Variants in ARHGAP10 observed in about 807,000 individuals in gnomAD.
The protein encoded by ARHGAP10 is Rho GTPase activating protein 10, also known as rho GTPase-activating protein 10.
A neutral mutation model predicts 108.6 loss-of-function variants in ARHGAP10; 87 were observed. That is an observed-to-expected ratio of 0.80 (90% CI 0.67 to 0.96). ARHGAP10 has a LOEUF of 0.96. Among genes scored for constraint, ARHGAP10 ranks in the 40% least tolerant of loss-of-function variants. The probability of loss-of-function intolerance (pLI) is 0.00; values close to 1 mark genes in which losing one functional copy is unlikely to be tolerated. For missense variants in ARHGAP10, 939 were observed against 954.5 expected (o/e 0.98, Z 0.21); for synonymous variants, 347 against 341.1 (o/e 1.02, Z -0.19).
intron 18 of ARHGAP10, 127 bp from the exon 19 acceptor site, chr4:148,023,136 A>ATGGAT (rs1357096143): frequency 2.9e-5 from 29 of 990,760 alleles, no homozygotes; most frequent in Non-Finnish European, 3.7e-5. Context: ...ATTGGAAGGA[A>ATGGAT]TGGATTTTGG....
At chr4:147,809,810 C>T (rs897363446) in intron 1 of ARHGAP10, among the ~76,000 whole-genome samples, 3 of 152,178 alleles carry the variant, frequency 2.0e-5, no homozygotes, top group African/African-American at 7.2e-5. Context: ...CTCACGTATG[C>T]ATAGTTCACA....
Position 147,875,077 on chromosome 4 carries a change from C to G in ARHGAP10, c.759C>G (p.Ile253Met). Residue 253 changes from isoleucine to methionine, a missense_variant, in exon 8 of 23, where the codon ATC (isoleucine) becomes ATG (methionine). Transcript: ENST00000336498. ...RSEVEELMNK[I>M]RQNPKDHKRA... ...AAGTGGAAGAGCTCATGAACAAAATCAGACAGAATCCCAAGGACCACAAAC... is the reference window on the plus strand; with the variant it reads ...AAGTGGAAGAGCTCATGAACAAAATGAGACAGAATCCCAAGGACCACAAAC... The G allele has an allele frequency of 1.2e-6, 2 of 1,609,992 alleles. No individual in the cohort carries two copies. The highest frequency in any genetic ancestry group is 1.7e-6 in the Non-Finnish European group (2 of 1,179,102).
chr4:148,060,244 A>C (rs1729551702), intron 20 of ARHGAP10, among the ~76,000 whole-genome samples: 1 of 152,162 alleles, frequency 6.6e-6, no homozygotes, highest in Non-Finnish European at 1.5e-5. Context: ...TGTAGGTATT[A>C]CATTTTAGAT....
In ARHGAP10 at chr4:147,906,702, C is replaced by T; in HGVS notation, c.1099C>T (p.Leu367=). 1 of 1,614,100 alleles carries T rather than the reference C, an allele frequency of 6.2e-7. No homozygotes were observed. Residue 367 remains leucine (L), a synonymous_variant, in exon 11 of 23, where the codon CTG becomes TTG. Coordinates refer to ENST00000336498, the MANE Select transcript of ARHGAP10 (RefSeq NM_024605.4). ...EEERKQWLEA[L]GGKEALSHSF... ...GGAAAGGAAGCAGTGGTTGGAAGCT[C>T]TGGGTGGAAAGGAAGCTGTAAGAAT...
intron 7 of ARHGAP10, among the ~76,000 whole-genome samples, chr4:147,870,932 G>C (rs397878485): frequency 3.7e-5 from 2 of 54,738 alleles, no homozygotes; most frequent in South Asian, 9.0e-4. Flanking sequence ...TACAGACTGT[G>C]TGTGTGTGTG....
intron 18 of ARHGAP10, among the ~76,000 whole-genome samples, chr4:148,012,957 G>A (rs1268347112): frequency 6.7e-6 from 1 of 149,110 alleles, no homozygotes; most frequent in African/African-American, 2.5e-5. Flanking sequence ...TCTTTAAAGA[G>A]CTGTTTTGTG....
chr4:147,768,741 CTT>C (rs34388709), intron 1 of ARHGAP10, among the ~76,000 whole-genome samples: 173 of 126,442 alleles, frequency 1.4e-3, no homozygotes, highest in Admixed American at 1.8e-3. Flanking sequence ...ATTTTCTTGT[CTT>C]TTTTTTTTTT....
Position 148,063,202 on chromosome 4 carries a change from CACA to C in ARHGAP10, c.2087_2089del (p.Thr696del). On this transcript the variant is annotated inframe_deletion, in exon 21 of 23. Coordinates refer to ENST00000336498, the MANE Select transcript of ARHGAP10 (RefSeq NM_024605.4). ...AGTGGCTTAACCCACAGTCTCCAAC[CACA>C]ACAAGCTCCAACTCAGCTGTGACAC... The C allele has an allele frequency of 6.2e-7, 1 of 1,614,192 alleles. No homozygotes were observed. The highest frequency in any genetic ancestry group is 1.1e-5 in the South Asian group (1 of 91,088).
intron 12 of ARHGAP10, among the ~76,000 whole-genome samples, chr4:147,912,022 TG>T (rs1736763634): frequency 2.7e-5 from 4 of 150,744 alleles, no homozygotes; most frequent in Admixed American, 1.3e-4. Flanking sequence ...TGTGTGTGTG[TG>T]TGTGTGTGTG....
intron 3 of ARHGAP10, among the ~76,000 whole-genome samples, chr4:147,837,105 G>A (rs1238386381): frequency 6.6e-6 from 1 of 152,076 alleles, no homozygotes; most frequent in Non-Finnish European, 1.5e-5. Context: ...TAAAGTGGGG[G>A]AACTTTATTG....
intron 18 of ARHGAP10, among the ~76,000 whole-genome samples, chr4:147,990,078 C>G (rs776132548): frequency 1.3e-5 from 2 of 152,168 alleles, no homozygotes; most frequent in Non-Finnish European, 2.9e-5. Flanking sequence ...CAGCCTTCTG[C>G]CTGAATGAGG....
chr4:147,980,782 A>T (rs564770442), intron 18 of ARHGAP10, among the ~76,000 whole-genome samples: 2 of 152,106 alleles, frequency 1.3e-5, no homozygotes, highest in Admixed American at 1.3e-4. Flanking sequence ...GTGTGGTTGT[A>T]TGTTTCCAGG....
intron 13 of ARHGAP10, among the ~76,000 whole-genome samples, chr4:147,922,368 C>G (rs532178034): frequency 6.6e-6 from 1 of 151,840 alleles, no homozygotes; most frequent in East Asian, 1.9e-4. Flanking sequence ...GGATTCTTAA[C>G]CTCTCAGACC....
At chr4:147,810,798 C>G (rs1330682458) in intron 1 of ARHGAP10, among the ~76,000 whole-genome samples, 2 of 152,218 alleles carry the variant, frequency 1.3e-5, no homozygotes, top group Admixed American at 1.3e-4. Flanking sequence ...TGGGTTCTTG[C>G]AAGATCTATC....
At chr4:147,904,071 C>G (rs539103925) in intron 10 of ARHGAP10, among the ~76,000 whole-genome samples, 107 of 152,258 alleles carry the variant, frequency 7.0e-4, no homozygotes, top group African/African-American at 2.6e-3. Context: ...TGCATTGCCA[C>G]CAGCAATGAA....
intron 20 of ARHGAP10, among the ~76,000 whole-genome samples, chr4:148,048,445 A>G (rs1728981937): frequency 6.6e-6 from 1 of 152,162 alleles, no homozygotes; most frequent in Non-Finnish European, 1.5e-5. Context: ...ATCTGTGCAT[A>G]TTTTTTATGC....
chr4:147,838,660 G>T (rs2126807016), intron 3 of ARHGAP10, among the ~76,000 whole-genome samples: 1 of 152,254 alleles, frequency 6.6e-6, no homozygotes, highest in South Asian at 2.1e-4. Context: ...AGCCTCCTGG[G>T]TAGCTGAGAC....
chr4:147,964,268 C>CT (rs1198479878), intron 16 of ARHGAP10, among the ~76,000 whole-genome samples: 1 of 152,186 alleles, frequency 6.6e-6, no homozygotes, highest in Non-Finnish European at 1.5e-5. Flanking sequence ...AGCCCTTGTG[C>CT]TGCAGTGCCC....
chr4:147,860,168 C>T (rs1418781018), intron 5 of ARHGAP10, among the ~76,000 whole-genome samples: 5 of 152,230 alleles, frequency 3.3e-5, no homozygotes, highest in African/African-American at 4.8e-5. Context: ...GAAGGCCGGG[C>T]GTGGTGGCTC....
Sources: gnomAD v4.1 joint callset for allele counts (sites outside exome capture counted in the v4.1 genomes callset) on GRCh38, gnomAD v4.1.1 for gene constraint, MANE v1.5 for transcripts, NCBI Gene and HGNC (gene_info 2026-07-23, HGNC 2026-07-21) for gene names.